The following NEXMIF variants were observed in gnomAD, a reference collection of about 807,000 sequenced individuals.
The protein encoded by NEXMIF is XLMR protein related to neurite extension.
Under a neutral mutation model 62.1 loss-of-function variants are expected in NEXMIF, and 8 were observed. The observed-to-expected ratio is 0.13, with a 90% CI of 0.08 to 0.23. The LOEUF (loss-of-function observed/expected upper bound fraction) is 0.23, where lower values mean the gene tolerates loss of function less well. NEXMIF is among the 10% of genes least tolerant of loss of function. The pLI is 1.00. For synonymous variants in NEXMIF, 404 were observed against 416.6 expected, an observed-to-expected ratio of 0.97 and a Z score of 0.37; for missense variants, 976 against 1,113.3, an observed-to-expected ratio of 0.88 and a Z score of 1.75.
Position 74,740,490 on chromosome X carries a change from GAGT to G in NEXMIF, c.4064_4066del (p.Tyr1355del). On this transcript the variant is annotated inframe_deletion, in exon 3 of 4. Transcript: ENST00000055682. Reference sequence around the variant, plus strand: ...TAATTTTAGACTATTGGACTCAGGGGAGTAGAATATGTTGGGATCCCCATGGTG... The same window carrying G: ...TAATTTTAGACTATTGGACTCAGGGGAGAATATGTTGGGATCCCCATGGTG... 1.7e-6 allele frequency: 2 copies of G among 1,211,570 alleles called. No individual in the cohort carries two copies. The highest frequency in any genetic ancestry group is 2.2e-6 in the Non-Finnish European group (2 of 895,352).
At chrX:74,796,251 T>C (rs1220116085) in intron 1 of NEXMIF, among the ~76,000 whole-genome samples, 6 of 53,003 alleles carry the variant, frequency 1.1e-4, no homozygotes, top group Admixed American at 3.5e-4. Flanking sequence ...TATACACATA[T>C]ATATTATATA....
chrX:74,914,453 A>C (rs1280084676), intron 1 of NEXMIF, among the ~76,000 whole-genome samples: 2 of 111,673 alleles, frequency 1.8e-5, no homozygotes, highest in Non-Finnish European at 3.8e-5. Context: ...CAGGTGGATC[A>C]CTTGAGGTCA....
At chrX:74,841,088 T>C (rs1387156301) in intron 1 of NEXMIF, among the ~76,000 whole-genome samples, 1 of 112,171 alleles carries the variant, frequency 8.9e-6, no homozygotes, top group Non-Finnish European at 1.9e-5. Context: ...ATAATTTTAA[T>C]GACATTGATT....
At position 74,739,463 on chromosome X, in the gene NEXMIF, G is replaced by A. The variant is rs145525836; in HGVS notation, c.4493C>T (p.Thr1498Ile). The A allele has an allele frequency of 1.7e-6, 2 of 1,197,540 alleles. No homozygotes were observed. The highest frequency in any genetic ancestry group is 3.6e-5 in the African/African-American group (2 of 56,120). The part of the protein sequence containing the change: ...SDYNLLKAET[T>I]FWVLPVFEEE... ...TTCAAACACAGGTAAAACCCAAAAG[G>A]TTGTTTCTGCTTTTAGGAGATTGTA... Residue 1498 changes from threonine (T) to isoleucine (I), a missense_variant, in exon 4 of 4, where the codon ACC becomes ATC. Physicochemically the swap from Thr to Ile is moderately conservative, Grantham distance 89. This residue lies in a region of NEXMIF where 137 missense variants were observed against 128.9 expected (regional missense o/e 1.06). Coordinates refer to ENST00000055682, the MANE Select transcript of NEXMIF (RefSeq NM_001008537.3).
intron 1 of NEXMIF, among the ~76,000 whole-genome samples, chrX:74,829,551 T>C (rs1305663757): frequency 8.9e-6 from 1 of 112,209 alleles, no homozygotes; most frequent in Non-Finnish European, 1.9e-5. Flanking sequence ...TGATTTCCTT[T>C]CTTTAGGGTA....
At chrX:74,824,221 A>G (rs922004135) in intron 1 of NEXMIF, among the ~76,000 whole-genome samples, 2 of 111,779 alleles carry the variant, frequency 1.8e-5, no homozygotes, top group Non-Finnish European at 3.8e-5. Flanking sequence ...TAGATCTCAA[A>G]AAAACCTGTA....
chrX:74,893,853 A>AC lies in NEXMIF; in HGVS notation c.-48+31029dup, dbSNP rs761599339. On this transcript the variant is annotated intron_variant, in intron 1 of 3. Coordinates refer to ENST00000055682, the MANE Select transcript of NEXMIF (RefSeq NM_001008537.3). ...ACCTGGCTTTCCCATTAACTGAGAT[A>AC]CCCCATCTAGGGAAGAGTATGTTAA... Among the ~76,000 whole-genome samples the AC allele has an allele frequency of 2.5e-3, 279 of 112,202 alleles. 1 individual carries two copies. Among genetic ancestry groups the AC allele is most frequent in the Non-Finnish European group, 4.5e-3 (242 of 53,263 alleles).
chrX:74,897,207 T>C (rs1427501920), intron 1 of NEXMIF, among the ~76,000 whole-genome samples: 1 of 111,198 alleles, frequency 9.0e-6, no homozygotes, highest in East Asian at 2.8e-4. Flanking sequence ...GGAGTAAGAG[T>C]CAAGAGAACC....
chrX:74,908,387 G>A (rs1268573051), intron 1 of NEXMIF, among the ~76,000 whole-genome samples: 2 of 111,749 alleles, frequency 1.8e-5, no homozygotes, highest in Non-Finnish European at 3.8e-5. Context: ...CATCCACTCT[G>A]GCCTTCCCTT....
chrX:74,784,949 C>T (rs980267467), intron 1 of NEXMIF, among the ~76,000 whole-genome samples: 48 of 111,483 alleles, frequency 4.3e-4, no homozygotes, highest in African/African-American at 1.5e-3. Flanking sequence ...GAGTTTCAGG[C>T]TCAAGTACGC....
chrX:74,878,629 G>A (rs895102303), intron 1 of NEXMIF, among the ~76,000 whole-genome samples: 7 of 112,811 alleles, frequency 6.2e-5, no homozygotes, highest in East Asian at 5.6e-4. Flanking sequence ...TGCAGTGCTC[G>A]CAATCAGCGG....
rs765280976 is a variant in NEXMIF, at chrX:74,887,709, C to G, written c.-48+37174G>C. The stretch of plus-strand genomic sequence containing the variant: ...TTTACACTGTTGGTGGGACTGTAAA[C>G]TAGTTCAACCATTGTGGAAGTCGGT... On this transcript the variant is annotated intron_variant, in intron 1 of 3. Transcript: ENST00000055682. 4.2e-3 allele frequency among the ~76,000 whole-genome samples: 464 copies of G among 111,612 alleles called. 1 individual carries two copies. Among genetic ancestry groups the G allele is most frequent in the African/African-American group, 0.015 (447 of 30,719 alleles).
intron 1 of NEXMIF, among the ~76,000 whole-genome samples, chrX:74,832,897 G>T (rs2080442950): frequency 9.0e-6 from 1 of 111,647 alleles, no homozygotes; most frequent in South Asian, 3.7e-4. Flanking sequence ...GAAGAACATT[G>T]TTTAGTTTCC....
At chrX:74,857,520 G>T (rs775935960) in intron 1 of NEXMIF, among the ~76,000 whole-genome samples, 18 of 112,302 alleles carry the variant, frequency 1.6e-4, no homozygotes, top group South Asian at 1.5e-3. Flanking sequence ...TGATACTCAG[G>T]TAGTACACTG....
chrX:74,801,662 C>T (rs1331768616), intron 1 of NEXMIF, among the ~76,000 whole-genome samples: 2 of 112,227 alleles, frequency 1.8e-5, no homozygotes, highest in African/African-American at 6.5e-5. Context: ...GGCAAGACTC[C>T]TGCCTGAGAA....
In NEXMIF at chrX:74,734,587, ATCCTT is replaced by A. The variant is rs2080080521; in HGVS notation, c.*4813_*4817del. The A allele has an allele frequency of 8.9e-6, 1 of 112,327 alleles. No homozygotes were observed. Among genetic ancestry groups the A allele is most frequent in the African/African-American group, 3.2e-5 (1 of 30,854 alleles). 9.3% of individuals were successfully genotyped at this position (112,327 alleles called of 1,213,427 possible). On this transcript the variant is annotated 3_prime_UTR_variant, in exon 4 of 4. Coordinates refer to ENST00000055682, the MANE Select transcript of NEXMIF (RefSeq NM_001008537.3). ...CCCTGAGCTTGTTAGATGGACAGAC[ATCCTT>A]TCCATCTTATGTGGATGAGTGTTTC... is the stretch of plus-strand genomic sequence containing the variant.
chrX:74,867,703 C>T (rs1053836246), intron 1 of NEXMIF, among the ~76,000 whole-genome samples: 2 of 112,100 alleles, frequency 1.8e-5, no homozygotes, highest in East Asian at 2.8e-4. Flanking sequence ...CTAAGCAATA[C>T]CATTCAGGAC....
intron 1 of NEXMIF, among the ~76,000 whole-genome samples, chrX:74,750,251 G>T (rs2080138012): frequency 8.9e-6 from 1 of 111,960 alleles, no homozygotes; most frequent in South Asian, 3.7e-4. Flanking sequence ...AGGTAAGGGA[G>T]CAGTAGTCAG....
intron 1 of NEXMIF, among the ~76,000 whole-genome samples, chrX:74,904,122 G>T (rs1191389417): frequency 1.8e-5 from 2 of 110,859 alleles, no homozygotes; most frequent in East Asian, 2.8e-4. Flanking sequence ...TCCAGAATTG[G>T]CTCCCTTTGG....
Sources: gnomAD v4.1 joint callset for allele counts (sites outside exome capture counted in the v4.1 genomes callset) on GRCh38, gnomAD v4.1.1 for gene constraint, gnomAD v4.1.1 regional missense constraint, MANE v1.5 for transcripts, NCBI Gene and HGNC (gene_info 2026-07-23, HGNC 2026-07-21) for gene names.